WNT9B: variants seen among roughly 807,000 people sequenced by gnomAD.
The protein encoded by WNT9B is Wnt family member 9B.
WNT9B carries 12 observed loss-of-function variants against 30.2 expected under a neutral mutation model. The observed-to-expected ratio is 0.40, with a 90% confidence interval of 0.26 to 0.64. The LOEUF (loss-of-function observed/expected upper bound fraction) is 0.64. WNT9B is among the 30% of genes least tolerant of loss of function. WNT9B has a pLI of 0.42. For missense variants in WNT9B, 442 were observed against 485.2 expected, an observed-to-expected ratio of 0.91 and a Z score of 0.84; for synonymous variants, 218 against 216.9, an observed-to-expected ratio of 1.01 and a Z score of -0.05.
Position 46,877,246 on chromosome 17 carries a change from C to A in WNT9B, c.*528C>A, listed in dbSNP as rs1435968803. Among the ~76,000 whole-genome samples, 1 of 152,194 alleles carries A rather than the reference C, an allele frequency of 6.6e-6. No individual in the cohort carries two copies. Among genetic ancestry groups the A allele is most frequent in the Non-Finnish European group, 1.5e-5 (1 of 68,036 alleles). The stretch of plus-strand genomic sequence containing the variant: ...CAGGTGTCACACACCTCCACCACTC[C>A]CCTGGTTTTGCTGTGCCAGAGATGG... On this transcript the variant is annotated 3_prime_UTR_variant, in exon 4 of 4. Transcript: ENST00000290015.
chr17:46,884,590 A>G (rs892620644), downstream of WNT9B, among the ~76,000 whole-genome samples: 1 of 152,234 alleles, frequency 6.6e-6, no homozygotes, highest in African/African-American at 2.4e-5. Flanking sequence ...CAACAGCCAC[A>G]GTAGTTGTTT....
In WNT9B at chr17:46,870,296, G is replaced by A. The variant is rs140654502; in HGVS notation, c.78-2221G>A. 6.6e-3 allele frequency among the ~76,000 whole-genome samples: 1,010 copies of A among 152,306 alleles called. 2 individuals carry two copies. The highest frequency in any genetic ancestry group is 0.01 in the Non-Finnish European group (700 of 68,024). On this transcript the variant is annotated intron_variant, in intron 1 of 3. Transcript: ENST00000290015. ...GCAAGGTAGCTGCAGCCCCCAAGCT[G>A]CCCTCCACACTGGAAGCCAGTCAAG...
exon 1 of WNT9B, chr17:46,833,296 C>T (rs778306958): frequency 2.6e-5 from 13 of 492,302 alleles, no homozygotes; most frequent in East Asian, 1.1e-4. Context: ...CAAGTTCTAA[C>T]GTCCCACTGA....
At chr17:46,850,397 G>C (rs2084826837), upstream of WNT9B, among the ~76,000 whole-genome samples, 1 of 152,122 alleles carries the variant, frequency 6.6e-6, no homozygotes, top group Non-Finnish European at 1.5e-5. Context: ...AGAGGTGGGG[G>C]CTTCCTCTGT....
intron 1 of WNT9B, among the ~76,000 whole-genome samples, chr17:46,838,393 A>G (rs1374988850): frequency 6.6e-6 from 1 of 151,982 alleles, no homozygotes; most frequent in Non-Finnish European, 1.5e-5. Context: ...TTGGAAGGCC[A>G]AGGCAGGAGG....
chr17:46,865,289 A>G (rs907375586), intron 1 of WNT9B, among the ~76,000 whole-genome samples: 2 of 152,220 alleles, frequency 1.3e-5, no homozygotes, highest in African/African-American at 4.8e-5. Flanking sequence ...GCCCCTGAGC[A>G]CGTCTCCCTG....
At position 46,851,828 on chromosome 17, in the gene WNT9B, A is replaced by G. The variant is rs2084852261; in HGVS notation, c.77+113A>G. The stretch of plus-strand genomic sequence containing the variant: ...TGTCCTTGGCCCCGCCGAGGTCTCG[A>G]ACTCAGACCCTAGCCCGGCGCGACC... On this transcript the variant is annotated intron_variant, in intron 1 of 3. Transcript: ENST00000290015. The surrounding 1 kb of genome is among the most constrained non-coding windows in gnomAD (Gnocchi z 4.3). The G allele has an allele frequency of 2.0e-6, 1 of 500,142 alleles. No homozygotes were observed. Among genetic ancestry groups the G allele is most frequent in the East Asian group, 3.9e-5 (1 of 25,788 alleles). 31.0% of individuals were successfully genotyped at this position (500,142 alleles called of 1,614,324 possible).
At chr17:46,860,708 T>A (rs1027943554) in intron 1 of WNT9B, among the ~76,000 whole-genome samples, 6 of 152,190 alleles carry the variant, frequency 3.9e-5, no homozygotes, top group Non-Finnish European at 7.3e-5. Flanking sequence ...ATCTGTTCCT[T>A]CTTCTCTGTG....
intron 1 of WNT9B, among the ~76,000 whole-genome samples, chr17:46,864,232 A>C (rs1461326856): frequency 6.6e-6 from 1 of 152,160 alleles, no homozygotes; most frequent in Non-Finnish European, 1.5e-5. Flanking sequence ...AGCCAGAGTC[A>C]CCCAGTACCC....
At chr17:46,860,655 T>C (rs1213514944) in intron 1 of WNT9B, among the ~76,000 whole-genome samples, 1 of 152,258 alleles carries the variant, frequency 6.6e-6, no homozygotes, top group Non-Finnish European at 1.5e-5. Flanking sequence ...TCTAGTGATC[T>C]GCCTTACAGC....
At chr17:46,866,388 G>T (rs62071989) in intron 1 of WNT9B, among the ~76,000 whole-genome samples, 1 of 151,964 alleles carries the variant, frequency 6.6e-6, no homozygotes, top group South Asian at 2.1e-4. Flanking sequence ...GTGAGAATGT[G>T]TGTATGTGTG....
At chr17:46,863,919 C>CT (rs972235012) in intron 1 of WNT9B, among the ~76,000 whole-genome samples, 1 of 152,164 alleles carries the variant, frequency 6.6e-6, no homozygotes, top group Non-Finnish European at 1.5e-5. Context: ...AGGGAGGTTC[C>CT]TGCTGTCCCT....
rs1301443736 is a variant in WNT9B at position 46,878,041 on chromosome 17, T to C, written c.*1323T>C. Among the ~76,000 whole-genome samples the C allele has an allele frequency of 6.6e-6, 1 of 152,218 alleles. No individual in the cohort carries two copies. The highest frequency in any genetic ancestry group is 1.5e-5 in the Non-Finnish European group (1 of 68,038). On this transcript the variant is annotated 3_prime_UTR_variant, in exon 4 of 4. Coordinates refer to ENST00000290015, the MANE Select transcript of WNT9B (RefSeq NM_003396.3). The stretch of plus-strand genomic sequence containing the variant: ...ACTGGTACCTCCACACAGGCACACA[T>C]GGATGCACAGCCCCTGGACCAGGCT...
At chr17:46,835,372 C>G (rs1305255977) in intron 1 of WNT9B, among the ~76,000 whole-genome samples, 1 of 152,086 alleles carries the variant, frequency 6.6e-6, no homozygotes, top group Non-Finnish European at 1.5e-5. Flanking sequence ...CCACCACGCC[C>G]AGCTAATTTT....
In WNT9B at chr17:46,853,363, CTTTTTTTTT is replaced by C. The variant is rs35252647; in HGVS notation, c.77+1666_77+1674del. ...GTAAGTGCTCAACTAATGCTAGTGA[CTTTTTTTTT>C]TTTTTTTTTTTTTTTTTAAGACGGA... On this transcript the variant is annotated intron_variant, in intron 1 of 3. Coordinates refer to ENST00000290015, the MANE Select transcript of WNT9B (RefSeq NM_003396.3). Among the ~76,000 whole-genome samples the C allele has an allele frequency of 3.0e-4, 24 of 78,906 alleles. No individual in the cohort carries two copies. The South Asian group carries it at 8.8e-3, about 29-fold the overall frequency. The allele number at this position is 78,906 out of a possible 152,430, so 51.8% of individuals were successfully genotyped here. A position where few individuals can be genotyped will look rare whatever the true frequency, so the allele number is the denominator to read the frequency against.
chr17:46,883,281 CTTT>C (rs75762235), downstream of WNT9B, among the ~76,000 whole-genome samples: 2 of 142,644 alleles, frequency 1.4e-5, no homozygotes, highest in Admixed American at 7.1e-5. Context: ...TGCGCCCGGC[CTTT>C]TTTTTTTTTT....
At chr17:46,865,893 C>T (rs958168007) in intron 1 of WNT9B, among the ~76,000 whole-genome samples, 4 of 152,088 alleles carry the variant, frequency 2.6e-5, no homozygotes, top group South Asian at 2.1e-4. Flanking sequence ...ACTACAGGTG[C>T]GCGCCACAAT....
chr17:46,855,069 G>A (rs1256395566), intron 1 of WNT9B, among the ~76,000 whole-genome samples: 1 of 151,062 alleles, frequency 6.6e-6, no homozygotes, highest in Admixed American at 6.6e-5. Flanking sequence ...AGGTCAGAAA[G>A]GTTCAGTCAG....
At chr17:46,856,452 C>T (rs186515890) in intron 1 of WNT9B, among the ~76,000 whole-genome samples, 50 of 151,510 alleles carry the variant, frequency 3.3e-4, no homozygotes, top group Admixed American at 2.9e-3. Flanking sequence ...CCCCCCAAAT[C>T]GTTGTTATAT....
Sources: gnomAD v4.1 joint callset for allele counts (sites outside exome capture counted in the v4.1 genomes callset) on GRCh38, gnomAD v4.1.1 for gene constraint, Gnocchi (gnomAD v3.1) non-coding constraint, MANE v1.5 for transcripts, NCBI Gene and HGNC (gene_info 2026-07-23, HGNC 2026-07-21) for gene names.